SPTLC2: variants seen among roughly 807,000 people sequenced by gnomAD.
SPTLC2 encodes the protein serine palmitoyltransferase 2.
A neutral mutation model predicts 62.0 loss-of-function variants in SPTLC2; 21 were observed. The ratio of observed to expected loss-of-function variants is 0.34; its 90% CI spans 0.24 to 0.49. The LOEUF (loss-of-function observed/expected upper bound fraction) is 0.49. Ranked by LOEUF, SPTLC2 falls within the 20% of genes least tolerant of loss-of-function variation. The probability of loss-of-function intolerance (pLI) is 0.99; values close to 1 mark genes in which losing one functional copy is unlikely to be tolerated. For synonymous variants in SPTLC2, 261 were observed against 261.8 expected (o/e 1.00, Z 0.03); for missense variants, 511 against 713.0 (o/e 0.72, Z 3.23).
At chr14:77,596,822 G>A (rs887786819) in intron 2 of SPTLC2, among the ~76,000 whole-genome samples, 2 of 152,192 alleles carry the variant, frequency 1.3e-5, no homozygotes, top group African/African-American at 4.8e-5. Context: ...GATTCAGCAT[G>A]CTGGTATGAA....
chr14:77,611,906 AG>A (rs1436742830), intron 1 of SPTLC2, among the ~76,000 whole-genome samples: 1 of 151,948 alleles, frequency 6.6e-6, no homozygotes, highest in African/African-American at 2.4e-5. Context: ...TATAATGAGA[AG>A]TAAAAATTAT....
intron 1 of SPTLC2, among the ~76,000 whole-genome samples, chr14:77,608,071 C>T (rs112770886): frequency 1.3e-5 from 2 of 152,150 alleles, no homozygotes; most frequent in South Asian, 2.1e-4. Flanking sequence ...GAGAGGGTGC[C>T]GCAAAAGTCA....
At chr14:77,546,962 T>C (rs1171454749) in intron 9 of SPTLC2, among the ~76,000 whole-genome samples, 2 of 152,100 alleles carry the variant, frequency 1.3e-5, no homozygotes, top group African/African-American at 4.8e-5. Flanking sequence ...ATTCCCGACC[T>C]CAGGTGATCC....
chr14:77,579,725 A>G (rs1339834902), intron 2 of SPTLC2, among the ~76,000 whole-genome samples: 1 of 152,196 alleles, frequency 6.6e-6, no homozygotes, highest in East Asian at 1.9e-4. Flanking sequence ...CAAGCTGGAT[A>G]ACAGCAAAAA....
chr14:77,607,950 C>T (rs973337017), intron 1 of SPTLC2, among the ~76,000 whole-genome samples: 3 of 152,182 alleles, frequency 2.0e-5, no homozygotes, highest in Non-Finnish European at 4.4e-5. Flanking sequence ...AGCCCAGCTT[C>T]TTGGCATTTG....
intron 2 of SPTLC2, among the ~76,000 whole-genome samples, chr14:77,595,890 C>T (rs984013588): frequency 1.3e-5 from 2 of 152,138 alleles, no homozygotes; most frequent in Non-Finnish European, 2.9e-5. Context: ...AACCTTTTGC[C>T]ATGTGGGACA....
At chr14:77,567,596 T>G (rs1473510376) in intron 5 of SPTLC2, among the ~76,000 whole-genome samples, 1 of 152,230 alleles carries the variant, frequency 6.6e-6, no homozygotes, top group Non-Finnish European at 1.5e-5. Context: ...GATGTCCCCC[T>G]CTCTCATTCC....
chr14:77,539,144 T>C (rs1421035692), intron 9 of SPTLC2, among the ~76,000 whole-genome samples: 10 of 143,984 alleles, frequency 6.9e-5, no homozygotes, highest in African/African-American at 2.8e-4. Context: ...GTAAGATCAT[T>C]TATATTATTT....
intron 11 of SPTLC2, among the ~76,000 whole-genome samples, chr14:77,514,690 T>C (rs991222574): frequency 6.6e-6 from 1 of 152,280 alleles, no homozygotes; most frequent in Non-Finnish European, 1.5e-5. Flanking sequence ...TTTTAAAGTA[T>C]ACAATTCATT....
At chr14:77,597,456 G>C in intron 1 of SPTLC2, 76 bp from the exon 2 acceptor site, 1 of 1,389,392 alleles carries the variant, frequency 7.2e-7, no homozygotes, top group Non-Finnish European at 1.0e-6. Flanking sequence ...GGTCCTTAGA[G>C]ATTTGCTGAA....
chr14:77,579,422 A>G (rs914615999), intron 2 of SPTLC2, among the ~76,000 whole-genome samples: 1 of 152,216 alleles, frequency 6.6e-6, no homozygotes, highest in African/African-American at 2.4e-5. Flanking sequence ...CTGTAAGAGC[A>G]CCTGAGAATG....
intron 4 of SPTLC2, among the ~76,000 whole-genome samples, chr14:77,574,565 G>C (rs1320768955): frequency 2.6e-5 from 4 of 152,150 alleles, no homozygotes; most frequent in Non-Finnish European, 4.4e-5. Flanking sequence ...CAGCACTGCT[G>C]ACAATAGCCA....
At chr14:77,517,003 T>C (rs187931017) in intron 11 of SPTLC2, among the ~76,000 whole-genome samples, 195 of 152,316 alleles carry the variant, frequency 1.3e-3, no homozygotes, top group African/African-American at 4.2e-3. Context: ...TCCCAGCACT[T>C]TGGGAGGCTG....
chr14:77,537,227 C>CT (rs1242910797), intron 9 of SPTLC2, among the ~76,000 whole-genome samples: 1 of 151,046 alleles, frequency 6.6e-6, no homozygotes, highest in African/African-American at 2.4e-5. Flanking sequence ...CTATGTACTT[C>CT]TTATCTTTAA....
At chr14:77,610,917 A>T (rs58287164) in intron 1 of SPTLC2, among the ~76,000 whole-genome samples, 42,077 of 137,984 alleles carry the variant, frequency 0.3, 6,194 homozygotes, top group Middle Eastern at 0.42. Context: ...ATATATATAT[A>T]TTTTTATTTA....
At chr14:77,581,408 T>C (rs1489208108) in intron 2 of SPTLC2, among the ~76,000 whole-genome samples, 1 of 141,588 alleles carries the variant, frequency 7.1e-6, no homozygotes, top group Non-Finnish European at 1.5e-5. Flanking sequence ...CATCTCTCTT[T>C]TTTTTTTTTT....
chr14:77,559,796 C>G (rs1594989585), intron 6 of SPTLC2, among the ~76,000 whole-genome samples: 1 of 152,024 alleles, frequency 6.6e-6, no homozygotes. Flanking sequence ...GAGACTGAGG[C>G]AGGAGAATCA....
In SPTLC2 at chr14:77,512,268, G is replaced by C; in HGVS notation, c.*16C>G. The C allele has an allele frequency of 6.2e-7, 1 of 1,613,438 alleles. No homozygotes were observed. Among genetic ancestry groups the C allele is most frequent in the Middle Eastern group, 1.8e-4 (1 of 5,520 alleles). ...CTGGGTGAGGGAGAGTTCCTCTGAG[G>C]GAGCACCAAAAAGGCTCAGTCTTCT... On this transcript the variant is annotated 3_prime_UTR_variant, in exon 12 of 12. Coordinates refer to ENST00000216484, the MANE Select transcript of SPTLC2 (RefSeq NM_004863.4).
chr14:77,614,959 A>G (rs176905), intron 1 of SPTLC2, among the ~76,000 whole-genome samples: 130,863 of 149,838 alleles, frequency 0.87, 57,646 homozygotes, highest in East Asian at 1. Flanking sequence ...TGACAAGAGC[A>G]AAACTGTCTG....
Sources: allele counts gnomAD v4.1 joint callset (sites outside exome capture counted in the v4.1 genomes callset), GRCh38; gene constraint gnomAD v4.1.1; transcripts MANE v1.5; gene names NCBI Gene and HGNC (gene_info 2026-07-23, HGNC 2026-07-21).